Variants in TUBGCP3 observed in about 807,000 individuals in gnomAD.
TUBGCP3 encodes gamma-tubulin complex component 3.
Under a neutral mutation model 123.1 loss-of-function variants are expected in TUBGCP3, and 50 were observed. That is an observed-to-expected ratio of 0.41 (90% CI 0.32 to 0.51). The LOEUF (loss-of-function observed/expected upper bound fraction) is 0.51, where lower values mean the gene tolerates loss of function less well. TUBGCP3 is among the 20% of genes least tolerant of loss of function. TUBGCP3 has a pLI of 0.36. For synonymous variants in TUBGCP3, 405 were observed against 413.9 expected (o/e 0.98, Z 0.26); for missense variants, 882 against 1,127.0 (o/e 0.78, Z 3.11).
chr13:112,553,205 C>A (rs1879734090), intron 8 of TUBGCP3, among the ~76,000 whole-genome samples: 1 of 151,054 alleles, frequency 6.6e-6, no homozygotes, highest in Admixed American at 6.6e-5. Flanking sequence ...TTCTTACCCA[C>A]CGGCCACGTT....
chr13:112,545,652 C>A lies in TUBGCP3; in HGVS notation c.1335+47G>T, dbSNP rs762344738. On this transcript the variant is annotated intron_variant, in intron 11 of 21. Transcript: ENST00000261965. This position sits in a 1 kb window ranked among gnomAD's most constrained non-coding sequence, Gnocchi z 4.1. ...AAAAATGAAACAGCATAACTGCGTG[C>A]CCATGCTTTTTAAATCCAAGTCTCA... 14 of 1,596,162 alleles carry A rather than the reference C, an allele frequency of 8.8e-6. No individual in the cohort carries two copies. The highest frequency in any genetic ancestry group is 1.2e-5 in the Non-Finnish European group (14 of 1,164,706).
intron 1 of TUBGCP3, among the ~76,000 whole-genome samples, chr13:112,587,677 T>C (rs536657474): frequency 3.1e-4 from 41 of 133,142 alleles, no homozygotes; most frequent in African/African-American, 1.1e-3. Flanking sequence ...CTCCACTCCC[T>C]CCGCCCCGGT....
intron 1 of TUBGCP3, among the ~76,000 whole-genome samples, chr13:112,572,096 G>C (rs1020003282): frequency 6.6e-6 from 1 of 152,124 alleles, no homozygotes; most frequent in Admixed American, 6.5e-5. Flanking sequence ...TTTCCTTCAA[G>C]AACTTTTCCT....
chr13:112,558,715 C>T (rs1330504751), intron 4 of TUBGCP3, among the ~76,000 whole-genome samples: 3 of 152,100 alleles, frequency 2.0e-5, no homozygotes, highest in African/African-American at 7.3e-5. Context: ...AGAATGATTG[C>T]CCTCTATATA....
chr13:112,559,425 A>C (rs1240141925), intron 3 of TUBGCP3, 26 bp from the exon 4 acceptor site: 1 of 1,572,852 alleles, frequency 6.4e-7, no homozygotes, highest in African/African-American at 1.4e-5. Flanking sequence ...TTAATATTAA[A>C]AGAACGATTT....
rs376325067 is a variant in TUBGCP3, at chr13:112,501,033, T to C, written c.2308-1848A>G. On this transcript the variant is annotated intron_variant, in intron 19 of 21. Coordinates refer to ENST00000261965, the MANE Select transcript of TUBGCP3 (RefSeq NM_006322.6). ...TGAACAGCCCATGCTCTCTTTCACT[T>C]ACTACAATGCACTTATGCAACCAGG... 6.6e-5 allele frequency among the ~76,000 whole-genome samples: 10 copies of C among 152,324 alleles called. No homozygotes were observed. In the South Asian group the frequency reaches 1.9e-3, roughly 28 times the overall value.
At chr13:112,503,531 G>C (rs572869586) in intron 19 of TUBGCP3, among the ~76,000 whole-genome samples, 1 of 152,014 alleles carries the variant, frequency 6.6e-6, no homozygotes, top group African/African-American at 2.4e-5. Context: ...CACCACGACC[G>C]GCTAGTGTGT....
At chr13:112,520,724 T>C (rs1876548585) in intron 14 of TUBGCP3, among the ~76,000 whole-genome samples, 1 of 152,084 alleles carries the variant, frequency 6.6e-6, no homozygotes, top group Non-Finnish European at 1.5e-5. Flanking sequence ...ATGGATGTCA[T>C]GATTCTAAAG....
intron 2 of TUBGCP3, among the ~76,000 whole-genome samples, chr13:112,566,758 A>G (rs1880979123): frequency 6.6e-6 from 1 of 152,236 alleles, no homozygotes. Context: ...AAATGAACGC[A>G]TAGTATTTAC....
At chr13:112,502,239 A>C (rs1467913569) in intron 19 of TUBGCP3, among the ~76,000 whole-genome samples, 1 of 152,226 alleles carries the variant, frequency 6.6e-6, no homozygotes, top group African/African-American at 2.4e-5. Flanking sequence ...CACTGGAGTC[A>C]AAAGCTATGA....
At chr13:112,600,384 T>G in the TUBGCP3 span, among the ~76,000 whole-genome samples, 1 of 152,206 alleles carries the variant, frequency 6.6e-6, no homozygotes, top group Non-Finnish European at 1.5e-5. Flanking sequence ...TAGTGAACAA[T>G]CTTTAAAATT....
At chr13:112,560,872 G>A (rs1428952720) in intron 3 of TUBGCP3, among the ~76,000 whole-genome samples, 1 of 152,192 alleles carries the variant, frequency 6.6e-6, no homozygotes. Flanking sequence ...AGACAAGTGG[G>A]CAGATGCAAC....
chr13:112,497,499 A>G (rs1055390540), intron 20 of TUBGCP3, among the ~76,000 whole-genome samples: 3 of 152,274 alleles, frequency 2.0e-5, no homozygotes, highest in Non-Finnish European at 4.4e-5. Flanking sequence ...AAGAGAAACA[A>G]TACTCAAAAG....
At chr13:112,573,690 A>C (rs920081680) in intron 1 of TUBGCP3, among the ~76,000 whole-genome samples, 4 of 152,244 alleles carry the variant, frequency 2.6e-5, no homozygotes, top group Admixed American at 2.6e-4. Context: ...ACCTTCCGAA[A>C]GCAATCACTT....
At chr13:112,594,287 G>A in the TUBGCP3 span, among the ~76,000 whole-genome samples, 1 of 152,220 alleles carries the variant, frequency 6.6e-6, no homozygotes, top group African/African-American at 2.4e-5. Context: ...ATGACCAAGT[G>A]GGGTTTATCT....
chr13:112,534,687 G>A (rs1455191976), intron 11 of TUBGCP3, among the ~76,000 whole-genome samples: 1 of 152,032 alleles, frequency 6.6e-6, no homozygotes, highest in Non-Finnish European at 1.5e-5. Flanking sequence ...TAGCAGGGAG[G>A]AAGAAGACCC....
rs1210641312 is a variant in TUBGCP3, at chr13:112,540,266, C to T, written c.1335+5433G>A. 4.4e-5 allele frequency among the ~76,000 whole-genome samples: 6 copies of T among 136,604 alleles called. No individual in the cohort carries two copies. In the East Asian group the frequency reaches 1.4e-3, roughly 32 times the overall value. The allele number at this position is 136,604 out of a possible 152,430, so 89.6% of individuals were successfully genotyped here. A position where few individuals can be genotyped will look rare whatever the true frequency, so the allele number is the denominator to read the frequency against. ...GGGAAAGGATACCTGGGAGTGATGA[C>T]GTCAATGTAGTAGCCTATGAGCATT... is the stretch of plus-strand genomic sequence containing the variant. On this transcript the variant is annotated intron_variant, in intron 11 of 21. Transcript: ENST00000261965.
At chr13:112,527,628 T>C (rs146713373) in intron 11 of TUBGCP3, 144 bp from the exon 12 acceptor site, 9 of 603,680 alleles carry the variant, frequency 1.5e-5, no homozygotes, top group East Asian at 1.5e-4. Flanking sequence ...ATAAAACTTG[T>C]ATGAAACACA....
Position 112,568,886 on chromosome 13 carries a change from C to T in TUBGCP3, c.184+266G>A, listed in dbSNP as rs567194282. Among the ~76,000 whole-genome samples the T allele has an allele frequency of 1.1e-4, 17 of 152,334 alleles. No homozygotes were observed. The South Asian group carries it at 3.5e-3, about 32-fold the overall frequency. ...AGGGATAATCAGATAACCTACTCAC[C>T]AACCAAAAGCTAACAAATGGAAAGC... On this transcript the variant is annotated intron_variant, in intron 2 of 21. Transcript: ENST00000261965.
Sources: gnomAD v4.1 joint callset for allele counts (sites outside exome capture counted in the v4.1 genomes callset) on GRCh38, gnomAD v4.1.1 for gene constraint, Gnocchi (gnomAD v3.1) non-coding constraint, MANE v1.5 for transcripts, NCBI Gene and HGNC (gene_info 2026-07-23, HGNC 2026-07-21) for gene names.